Variants in SLC24A2 observed in about 807,000 individuals in gnomAD.
SLC24A2 encodes solute carrier family 24 member 2.
SLC24A2 carries 36 observed loss-of-function variants against 62.0 expected under a neutral mutation model. That is an observed-to-expected ratio of 0.58 (90% CI 0.44 to 0.77). SLC24A2 has a LOEUF of 0.77. Among genes scored for constraint, SLC24A2 ranks in the 30% least tolerant of loss-of-function variants. The pLI, the probability that SLC24A2 is intolerant of heterozygous loss-of-function variation, is 0.00. For missense variants in SLC24A2, 846 were observed against 817.9 expected (o/e 1.03, Z -0.42); for synonymous variants, 358 against 294.0 (o/e 1.22, Z -2.23).
At chr9:19,927,134 CAG>C in the SLC24A2 span, 1 of 152,352 alleles carries the variant, frequency 6.6e-6, no homozygotes, top group East Asian at 1.9e-4. Context: ...CCGGACCTGG[CAG>C]AGAGTCCTGG....
intron 2 of SLC24A2, among the ~76,000 whole-genome samples, chr9:19,709,850 T>C (rs968096633): frequency 6.6e-6 from 1 of 151,726 alleles, no homozygotes; most frequent in Admixed American, 6.6e-5. Flanking sequence ...TGTATACATA[T>C]GTAACTAACC....
At chr9:20,303,436 T>C in the SLC24A2 span, among the ~76,000 whole-genome samples, 4 of 152,326 alleles carry the variant, frequency 2.6e-5, no homozygotes, top group South Asian at 8.3e-4. Flanking sequence ...AATCAACAAA[T>C]TTAACGTATT....
chr9:19,775,709 G>A (rs965938062), intron 2 of SLC24A2, among the ~76,000 whole-genome samples: 2 of 152,140 alleles, frequency 1.3e-5, no homozygotes, highest in Non-Finnish European at 2.9e-5. Context: ...CCACCACCAG[G>A]CCAAAAGACA....
At chr9:20,185,905 T>A in the SLC24A2 span, among the ~76,000 whole-genome samples, 1 of 152,198 alleles carries the variant, frequency 6.6e-6, no homozygotes, top group African/African-American at 2.4e-5. Flanking sequence ...TTATCTGAGA[T>A]GTACTGAACT....
At chr9:20,203,849 G>A in the SLC24A2 span, among the ~76,000 whole-genome samples, 1 of 152,162 alleles carries the variant, frequency 6.6e-6, no homozygotes, top group Non-Finnish European at 1.5e-5. Context: ...TATGGTATAT[G>A]CATATCAGCA....
intron 2 of SLC24A2, among the ~76,000 whole-genome samples, chr9:19,692,852 T>C (rs1232434326): frequency 2.6e-5 from 4 of 152,186 alleles, no homozygotes; most frequent in African/African-American, 9.6e-5. Context: ...TGTTGATTAA[T>C]GACCAAACGT....
chr9:20,146,780 G>T, the SLC24A2 span, among the ~76,000 whole-genome samples: 1 of 152,214 alleles, frequency 6.6e-6, no homozygotes, highest in Admixed American at 6.5e-5. Flanking sequence ...GAAGGCAAGA[G>T]ATACCCTTGA....
At chr9:20,098,274 A>C in the SLC24A2 span, among the ~76,000 whole-genome samples, 2 of 152,198 alleles carry the variant, frequency 1.3e-5, no homozygotes. Flanking sequence ...ACTAGTGCTC[A>C]AGGCAAGGAA....
At chr9:19,597,157 TA>T in intron 5 of SLC24A2, 71 bp downstream of exon 5, 1 of 998,306 alleles carries the variant, frequency 1.0e-6, no homozygotes, top group South Asian at 1.3e-5. Context: ...AAAAAAAGAA[TA>T]AAAAATGGGC....
chr9:20,241,915 A>G, the SLC24A2 span, among the ~76,000 whole-genome samples: 2 of 152,120 alleles, frequency 1.3e-5, no homozygotes, highest in African/African-American at 2.4e-5. Flanking sequence ...ACCAATGCCT[A>G]TTCCTCTCTA....
At chr9:19,540,551 T>A (rs996067950) in intron 8 of SLC24A2, among the ~76,000 whole-genome samples, 2 of 149,476 alleles carry the variant, frequency 1.3e-5, no homozygotes, top group Non-Finnish European at 3.0e-5. Flanking sequence ...TCTTCTGGCT[T>A]GTAGGGTTTC....
chr9:20,201,307 T>A, the SLC24A2 span, among the ~76,000 whole-genome samples: 1 of 152,208 alleles, frequency 6.6e-6, no homozygotes, highest in Non-Finnish European at 1.5e-5. Flanking sequence ...TCAACCAGCT[T>A]GCCAGGGAGG....
At chr9:20,112,994 G>T in the SLC24A2 span, among the ~76,000 whole-genome samples, 1 of 152,116 alleles carries the variant, frequency 6.6e-6, no homozygotes, top group Non-Finnish European at 1.5e-5. Context: ...GTAATTCTGG[G>T]TTCAACTTGT....
chr9:20,245,474 G>C, the SLC24A2 span, among the ~76,000 whole-genome samples: 2 of 152,172 alleles, frequency 1.3e-5, no homozygotes. Context: ...ATGGCGACTG[G>C]GAGTGGCAAG....
upstream of SLC24A2, among the ~76,000 whole-genome samples, chr9:19,791,834 A>G (rs1432940636): frequency 6.6e-6 from 1 of 152,216 alleles, no homozygotes; most frequent in Non-Finnish European, 1.5e-5. Flanking sequence ...AGAAATTATT[A>G]AGGAGCTACT....
chr9:19,874,941 G>T, the SLC24A2 span, among the ~76,000 whole-genome samples: 1 of 144,372 alleles, frequency 6.9e-6, no homozygotes, highest in African/African-American at 2.6e-5. Context: ...TCTAGCTTCA[G>T]AGAGTTAGCT....
At chr9:20,137,202 AG>A in the SLC24A2 span, among the ~76,000 whole-genome samples, 1 of 152,238 alleles carries the variant, frequency 6.6e-6, no homozygotes, top group Non-Finnish European at 1.5e-5. Flanking sequence ...CAGTAATAAA[AG>A]TCTATAATAA....
At chr9:19,643,928 A>C (rs1194220718) in intron 2 of SLC24A2, among the ~76,000 whole-genome samples, 1 of 152,204 alleles carries the variant, frequency 6.6e-6, no homozygotes. Context: ...TTGGAACTCA[A>C]CTGAGTGGGA....
chr9:19,880,379 G>C, the SLC24A2 span, among the ~76,000 whole-genome samples: 2 of 152,210 alleles, frequency 1.3e-5, no homozygotes, highest in Non-Finnish European at 2.9e-5. Flanking sequence ...AGCATCCTTA[G>C]TGGATGAAGG....
Sources: allele counts gnomAD v4.1 joint callset (sites outside exome capture counted in the v4.1 genomes callset), GRCh38; gene constraint gnomAD v4.1.1; transcripts MANE v1.5; gene names NCBI Gene and HGNC (gene_info 2026-07-23, HGNC 2026-07-21).